Variants in HDAC4 observed in about 807,000 individuals in gnomAD.
HDAC4 encodes the protein histone deacetylase A.
Under a neutral mutation model 135.1 loss-of-function variants are expected in HDAC4, and 16 were observed. That is an observed-to-expected ratio of 0.12 (90% CI 0.08 to 0.18). The LOEUF is 0.18. Ranked by LOEUF, HDAC4 falls within the 10% of genes least tolerant of loss-of-function variation. The pLI, the probability that HDAC4 is intolerant of heterozygous loss-of-function variation, is 1.00. For missense variants in HDAC4, 1,143 were observed against 1,511.8 expected (o/e 0.76, Z 4.05); for synonymous variants, 685 against 653.4 (o/e 1.05, Z -0.74).
chr2:239,063,255 T>G (rs548185453), intron 24 of HDAC4, among the ~76,000 whole-genome samples: 1 of 151,790 alleles, frequency 6.6e-6, no homozygotes, highest in Non-Finnish European at 1.5e-5. Context: ...GGCTGGAGTG[T>G]GGTGGCGCGA....
chr2:239,327,812 T>C (rs2053514463), intron 2 of HDAC4, among the ~76,000 whole-genome samples: 1 of 152,194 alleles, frequency 6.6e-6, no homozygotes, highest in Non-Finnish European at 1.5e-5. Flanking sequence ...TTCATGGGCA[T>C]GGCCAAGCCC....
chr2:239,062,625 G>A (rs1393107600), intron 24 of HDAC4, among the ~76,000 whole-genome samples: 1 of 152,260 alleles, frequency 6.6e-6, no homozygotes, highest in Non-Finnish European at 1.5e-5. Flanking sequence ...GAACCATAAG[G>A]CTTCGGGATG....
At chr2:239,124,983 C>A (rs901756342) in intron 12 of HDAC4, among the ~76,000 whole-genome samples, 3 of 151,864 alleles carry the variant, frequency 2.0e-5, no homozygotes, top group Non-Finnish European at 4.4e-5. Flanking sequence ...TGGCGTGTGG[C>A]CGCGTTATAT....
rs1358319964 is a variant in HDAC4, at chr2:239,307,028, C to T, written c.22+45650G>A. ...CGGCAGGGTGGGTGATGCCATCCTT[C>T]CCACTCTCGCCCTCCGGCCTTCATT... On this transcript the variant is annotated intron_variant, in intron 2 of 26. Transcript: ENST00000543185. This position sits in a 1 kb window ranked among gnomAD's most constrained non-coding sequence, Gnocchi z 4.8. Among the ~76,000 whole-genome samples, 2 of 152,116 alleles carry T rather than the reference C, an allele frequency of 1.3e-5. No homozygotes were observed. Among genetic ancestry groups the T allele is most frequent in the Non-Finnish European group, 2.9e-5 (2 of 67,998 alleles).
intron 2 of HDAC4, among the ~76,000 whole-genome samples, chr2:239,332,611 C>T (rs564383254): frequency 1.3e-5 from 2 of 150,926 alleles, no homozygotes; most frequent in African/African-American, 4.9e-5. Context: ...GTTTTAAGCA[C>T]GTGGATTACA....
chr2:239,384,094 G>A (rs922906781), intron 1 of HDAC4, among the ~76,000 whole-genome samples: 6 of 152,180 alleles, frequency 3.9e-5, no homozygotes, highest in African/African-American at 1.2e-4. Flanking sequence ...ACCCTCCATC[G>A]TGCTCTGCAA....
intron 2 of HDAC4, among the ~76,000 whole-genome samples, chr2:239,279,765 G>A (rs1417557868): frequency 6.6e-6 from 1 of 152,230 alleles, no homozygotes; most frequent in African/African-American, 2.4e-5. Context: ...GGGCGACTGA[G>A]TGAGGAGTGT....
At chr2:239,087,538 G>A (rs751077359) in intron 19 of HDAC4, 21 bp downstream of exon 19, 18 of 1,611,028 alleles carry the variant, frequency 1.1e-5, no homozygotes, top group Admixed American at 1.7e-5. Flanking sequence ...CCTGCTGTGC[G>A]GGGCTGCGGC....
intron 2 of HDAC4, among the ~76,000 whole-genome samples, chr2:239,282,177 T>G (rs2050809097): frequency 7.0e-6 from 1 of 143,436 alleles, no homozygotes; most frequent in African/African-American, 2.6e-5. Flanking sequence ...CACACCACTC[T>G]ACACACAATG....
intron 5 of HDAC4, among the ~76,000 whole-genome samples, chr2:239,175,922 T>C (rs1415590104): frequency 2.0e-5 from 3 of 152,192 alleles, no homozygotes; most frequent in Non-Finnish European, 4.4e-5. Flanking sequence ...GATAAATCCA[T>C]GGACTCTGGT....
intron 18 of HDAC4, chr2:239,089,737 TTTTTTTAAGAGTATAAA>T (rs1406472162): frequency 2.4e-6 from 1 of 410,964 alleles, no homozygotes; most frequent in Non-Finnish European, 4.4e-6. Flanking sequence ...GCTTTTTTTT[TTTTTTTAAGAGTATAAA>T]TTTTTAAGAG....
At chr2:239,348,054 C>G (rs551957636) in intron 2 of HDAC4, among the ~76,000 whole-genome samples, 155 of 144,670 alleles carry the variant, frequency 1.1e-3, no homozygotes, top group African/African-American at 3.9e-3. Context: ...CTATCGAGAG[C>G]ATCATCCCGG....
chr2:239,153,936 G>A (rs957258937), intron 7 of HDAC4, among the ~76,000 whole-genome samples: 4 of 152,332 alleles, frequency 2.6e-5, no homozygotes, highest in South Asian at 2.1e-4. Flanking sequence ...ACAGTGTGCC[G>A]TCTCCCATGC....
chr2:239,108,918 T>C (rs531401487), intron 14 of HDAC4, among the ~76,000 whole-genome samples: 32 of 152,306 alleles, frequency 2.1e-4, no homozygotes, highest in African/African-American at 5.8e-4. Flanking sequence ...GCCGGCAGCC[T>C]GGGGCTCTGC....
intron 2 of HDAC4, among the ~76,000 whole-genome samples, chr2:239,287,054 G>A (rs2051179380): frequency 6.6e-6 from 1 of 152,210 alleles, no homozygotes; most frequent in South Asian, 2.1e-4. Flanking sequence ...GGCCTGGGCA[G>A]GGAATGTCCT....
intron 3 of HDAC4, among the ~76,000 whole-genome samples, chr2:239,216,704 C>G (rs1156563910): frequency 6.6e-6 from 1 of 152,200 alleles, no homozygotes; most frequent in Non-Finnish European, 1.5e-5. Context: ...CCCTGCTGCA[C>G]TCCTTCCTCC....
intron 3 of HDAC4, among the ~76,000 whole-genome samples, chr2:239,199,673 A>G (rs1349953122): frequency 2.6e-5 from 4 of 151,386 alleles, no homozygotes; most frequent in African/African-American, 9.7e-5. Context: ...AGACCCTGTG[A>G]GTGCTCTCTG....
chr2:239,054,881 C>G (rs763237796), intron 24 of HDAC4, 48 bp from the exon 25 acceptor site: 1 of 1,268,940 alleles, frequency 7.9e-7, no homozygotes, highest in African/African-American at 1.5e-5. Flanking sequence ...ATAATCCACA[C>G]GTGCGTTAGA....
At chr2:239,366,592 C>A (rs923327936) in intron 1 of HDAC4, among the ~76,000 whole-genome samples, 1 of 152,140 alleles carries the variant, frequency 6.6e-6, no homozygotes, top group Non-Finnish European at 1.5e-5. Flanking sequence ...AGAAGGCATC[C>A]AGATAAAACA....
Sources: gnomAD v4.1 joint callset for allele counts (sites outside exome capture counted in the v4.1 genomes callset) on GRCh38, gnomAD v4.1.1 for gene constraint, Gnocchi (gnomAD v3.1) non-coding constraint, MANE v1.5 for transcripts, NCBI Gene and HGNC (gene_info 2026-07-23, HGNC 2026-07-21) for gene names.